Variants in CTIF observed in about 807,000 individuals in gnomAD.
CTIF encodes cap binding complex dependent translation initiation factor.
A neutral mutation model predicts 66.0 loss-of-function variants in CTIF; 21 were observed. That is an observed-to-expected ratio of 0.32 (90% CI 0.23 to 0.46). The LOEUF is 0.46. CTIF is among the 20% of genes least tolerant of loss of function. The pLI is 1.00. For synonymous variants in CTIF, 345 were observed against 326.4 expected, an observed-to-expected ratio of 1.06 and a Z score of -0.62; for missense variants, 739 against 812.7, an observed-to-expected ratio of 0.91 and a Z score of 1.10.
chr18:48,821,762 A>G (rs970336534), intron 10 of CTIF, among the ~76,000 whole-genome samples: 17 of 152,162 alleles, frequency 1.1e-4, no homozygotes, highest in Non-Finnish European at 2.2e-4. Flanking sequence ...GCTATTTACA[A>G]CTCATATTTG....
At chr18:48,654,483 G>A (rs1473075968) in intron 3 of CTIF, among the ~76,000 whole-genome samples, 2 of 152,210 alleles carry the variant, frequency 1.3e-5, no homozygotes, top group Non-Finnish European at 2.9e-5. Context: ...AACAGATGCT[G>A]GAGAGGATGT....
chr18:48,787,547 A>G (rs1373381364), intron 9 of CTIF, among the ~76,000 whole-genome samples: 3 of 152,090 alleles, frequency 2.0e-5, no homozygotes, highest in Admixed American at 6.5e-5. Flanking sequence ...CTTGGATACA[A>G]TTGCCCCCAA....
At chr18:48,753,540 A>G (rs1908040452) in intron 7 of CTIF, among the ~76,000 whole-genome samples, 1 of 152,184 alleles carries the variant, frequency 6.6e-6, no homozygotes, top group African/African-American at 2.4e-5. Flanking sequence ...TCAGAACCCA[A>G]AGAATAAAGA....
chr18:48,637,112 T>A (rs2090837270), intron 3 of CTIF, among the ~76,000 whole-genome samples: 1 of 152,188 alleles, frequency 6.6e-6, no homozygotes, highest in Admixed American at 6.5e-5. Flanking sequence ...TGGATATCAC[T>A]TCTGCTCCAG....
At chr18:48,733,313 A>G (rs1159457338) in intron 7 of CTIF, among the ~76,000 whole-genome samples, 1 of 152,128 alleles carries the variant, frequency 6.6e-6, no homozygotes, top group Non-Finnish European at 1.5e-5. Flanking sequence ...TCCTCTAATG[A>G]TGGTGCTGGG....
At chr18:48,686,923 G>A (rs1297476390) in intron 6 of CTIF, among the ~76,000 whole-genome samples, 4 of 152,204 alleles carry the variant, frequency 2.6e-5, no homozygotes, top group Admixed American at 1.3e-4. Context: ...TGCAAAGTTT[G>A]TTGAAATCTC....
chr18:48,752,581 C>T (rs574260317), intron 7 of CTIF, among the ~76,000 whole-genome samples: 8 of 152,334 alleles, frequency 5.3e-5, no homozygotes, highest in Non-Finnish European at 8.8e-5. Context: ...TTTTCTCATC[C>T]GTCATGCTGT....
chr18:48,774,979 G>A (rs1049475613), intron 9 of CTIF, among the ~76,000 whole-genome samples: 51 of 151,542 alleles, frequency 3.4e-4, no homozygotes, highest in African/African-American at 1.2e-3. Context: ...AAAAAAAAAT[G>A]TGGCAAGGGG....
At chr18:48,707,482 T>G (rs556318519) in intron 6 of CTIF, among the ~76,000 whole-genome samples, 17 of 152,304 alleles carry the variant, frequency 1.1e-4, no homozygotes, top group African/African-American at 3.1e-4. Context: ...TGAGATTAAC[T>G]GGTGGGGGGC....
chr18:48,545,753 T>C (rs1017242914), intron 1 of CTIF, among the ~76,000 whole-genome samples: 1 of 152,126 alleles, frequency 6.6e-6, no homozygotes, highest in African/African-American at 2.4e-5. Context: ...GCTGCAGAAG[T>C]GTGTGCCCAA....
At chr18:48,740,698 A>G (rs1201604121) in intron 7 of CTIF, among the ~76,000 whole-genome samples, 1 of 152,060 alleles carries the variant, frequency 6.6e-6, no homozygotes, top group African/African-American at 2.4e-5. Context: ...TTCCCCCACC[A>G]CGCACCTTGT....
At chr18:48,828,459 G>T (rs1008179630) in intron 10 of CTIF, among the ~76,000 whole-genome samples, 1 of 152,166 alleles carries the variant, frequency 6.6e-6, no homozygotes, top group Non-Finnish European at 1.5e-5. Flanking sequence ...AGATTGAGCT[G>T]CCCTGCTGAC....
chr18:48,746,091 C>T (rs892824865), intron 7 of CTIF, among the ~76,000 whole-genome samples: 6 of 152,236 alleles, frequency 3.9e-5, no homozygotes, highest in Non-Finnish European at 7.3e-5. Context: ...CGGCGTTCTC[C>T]GCCAAGAGCC....
At chr18:48,604,909 A>C (rs1459500726) in intron 1 of CTIF, among the ~76,000 whole-genome samples, 2 of 152,142 alleles carry the variant, frequency 1.3e-5, no homozygotes, top group Non-Finnish European at 2.9e-5. Flanking sequence ...TCTTTCATTT[A>C]GCTTTGTATT....
At chr18:48,651,861 T>C (rs181406577) in intron 3 of CTIF, among the ~76,000 whole-genome samples, 2 of 152,214 alleles carry the variant, frequency 1.3e-5, no homozygotes, top group Non-Finnish European at 2.9e-5. Flanking sequence ...TGCTCCTGAA[T>C]GACTACTGGG....
Position 48,851,113 on chromosome 18 carries a change from G to A in CTIF, c.1528-6475G>A, listed in dbSNP as rs566066722. ...GGGGGGGCTCTAGGGTTGAGAACCC[G>A]CCCCCAGCTCTGCCTTAGGGCCCTG... On this transcript the variant is annotated intron_variant, in intron 10 of 11. Transcript: ENST00000256413. Among the ~76,000 whole-genome samples the A allele has an allele frequency of 4.6e-5, 7 of 152,342 alleles. No homozygotes were observed. In the South Asian group the frequency reaches 8.3e-4, roughly 18 times the overall value.
At chr18:48,688,839 A>G (rs1269223796) in intron 6 of CTIF, among the ~76,000 whole-genome samples, 2 of 152,268 alleles carry the variant, frequency 1.3e-5, no homozygotes, top group Non-Finnish European at 2.9e-5. Flanking sequence ...TCATCACTAA[A>G]GCATCTGCAC....
chr18:48,774,096 A>G (rs1344800549), intron 9 of CTIF, among the ~76,000 whole-genome samples: 1 of 152,070 alleles, frequency 6.6e-6, no homozygotes, highest in Admixed American at 6.5e-5. Context: ...TGCACGGCGC[A>G]GTGCATGGAA....
At chr18:48,764,071 TC>T (rs1568198952) in intron 9 of CTIF, among the ~76,000 whole-genome samples, 1 of 151,526 alleles carries the variant, frequency 6.6e-6, no homozygotes, top group South Asian at 2.1e-4. Flanking sequence ...GGACGAACTC[TC>T]CCCCAGAATT....
Sources: allele counts gnomAD v4.1 joint callset (sites outside exome capture counted in the v4.1 genomes callset), GRCh38; gene constraint gnomAD v4.1.1; transcripts MANE v1.5; gene names NCBI Gene and HGNC (gene_info 2026-07-23, HGNC 2026-07-21).